The following CSK variants were observed in gnomAD, a reference collection of about 807,000 sequenced individuals.
The protein encoded by CSK is C-terminal Src kinase.
Under a neutral mutation model 62.3 loss-of-function variants are expected in CSK, and 7 were observed. That is an observed-to-expected ratio of 0.11 (90% CI 0.06 to 0.21). The LOEUF (loss-of-function observed/expected upper bound fraction) is 0.21. Among genes scored for constraint, CSK ranks in the 10% least tolerant of loss-of-function variants. The pLI is 1.00. For missense variants in CSK, 294 were observed against 613.5 expected, an observed-to-expected ratio of 0.48 and a Z score of 5.50; for synonymous variants, 237 against 246.0, an observed-to-expected ratio of 0.96 and a Z score of 0.34.
chr15:74,802,180 T>C, intron 12 of CSK, 97 bp downstream of exon 12: 1 of 1,445,486 alleles, frequency 6.9e-7, no homozygotes, highest in South Asian at 1.3e-5. Context: ...AATCAAGGCC[T>C]AGAAGCCTCA....
At chr15:74,789,731 A>C (rs976418518) in intron 1 of CSK, among the ~76,000 whole-genome samples, 3 of 152,158 alleles carry the variant, frequency 2.0e-5, no homozygotes, top group Non-Finnish European at 4.4e-5. Context: ...CCCCTCTCTC[A>C]GTCACTTTCC....
In CSK at chr15:74,798,701, C is replaced by A; in HGVS notation, c.102C>A (p.Asp34Glu). ...AEQDLPFCKG[D>E]VLTIVAVTKD... is the part of the protein sequence containing the mutation. ...AGGACCTGCCCTTCTGCAAAGGAGA[C>A]GTGCTCACCATTGTGGCCGTCACCA... The change falls in exon 3 of 13, where the codon GAC becomes GAA. Residue 34 changes from aspartate to glutamate, a missense_variant. Transcript: ENST00000220003. The surrounding 1 kb of genome is among the most constrained non-coding windows in gnomAD (Gnocchi z 6.6). The A allele has an allele frequency of 6.2e-7, 1 of 1,613,776 alleles. No individual in the cohort carries two copies. The highest frequency in any genetic ancestry group is 8.5e-7 in the Non-Finnish European group (1 of 1,180,010).
At position 74,795,038 on chromosome 15, in the gene CSK, G is replaced by T. The variant is rs531389429; in HGVS notation, c.-65-3195G>T. On this transcript the variant is annotated intron_variant, in intron 1 of 12. Transcript: ENST00000220003. ...GGTCCTAGAGCCCCAGATGGGCAGG[G>T]TCTGCCTTCCCGCTTCCCTCACCAT... 3.3e-5 allele frequency among the ~76,000 whole-genome samples: 5 copies of T among 152,266 alleles called. No homozygotes were observed. In the South Asian group the frequency reaches 8.3e-4, roughly 25 times the overall value.
chr15:74,798,548 A>T lies in CSK; in HGVS notation c.16-67A>T. The T allele has an allele frequency of 6.9e-7, 1 of 1,448,848 alleles. No homozygotes were observed. The highest frequency in any genetic ancestry group is 9.6e-7 in the Non-Finnish European group (1 of 1,039,224). The allele number at this position is 1,448,848 out of a possible 1,614,324, so 89.7% of individuals were successfully genotyped here. ...GGCCAGCTCAGAGGCTGTGACCACG[A>T]GGGTGCGCCAGCAGGTGGCTGGAGG... is the stretch of plus-strand genomic sequence containing the variant. On this transcript the variant is annotated intron_variant, in intron 2 of 12. Coordinates refer to ENST00000220003, the MANE Select transcript of CSK (RefSeq NM_004383.3). This position sits in a 1 kb window ranked among gnomAD's most constrained non-coding sequence, Gnocchi z 6.6.
intron 1 of CSK, among the ~76,000 whole-genome samples, chr15:74,788,180 CTT>C (rs2063554082): frequency 6.6e-6 from 1 of 152,198 alleles, no homozygotes; most frequent in Admixed American, 6.5e-5. Context: ...GCTGCTGGCT[CTT>C]TTCTGTGTGT....
intron 5 of CSK, 124 bp from the exon 6 acceptor site, chr15:74,800,288 T>TC (rs2063768302): frequency 1.3e-6 from 1 of 787,164 alleles, no homozygotes; most frequent in African/African-American, 1.7e-5. Flanking sequence ...TGGGGAGCCC[T>TC]CCCCACTCAG....
intron 1 of CSK, among the ~76,000 whole-genome samples, chr15:74,786,013 T>TTTTTTTTTTTTTTTTTTG: frequency 2.1e-5 from 1 of 47,814 alleles, no homozygotes; most frequent in Non-Finnish European, 5.5e-5. Flanking sequence ...TTTTTTTTTT[T>TTTTTTTTTTTTTTTTTTG]TGTGTGTGTG....
chr15:74,795,938 C>T (rs2063698162), intron 1 of CSK, among the ~76,000 whole-genome samples: 1 of 152,090 alleles, frequency 6.6e-6, no homozygotes, highest in Admixed American at 6.5e-5. Flanking sequence ...AATCATATGG[C>T]CGGGTGCAGT....
intron 1 of CSK, chr15:74,791,026 A>C (rs190450316): frequency 6.6e-6 from 1 of 152,308 alleles, no homozygotes; most frequent in Non-Finnish European, 1.5e-5. Flanking sequence ...AATAATAATA[A>C]TTTTTTTAAA....
At chr15:74,790,903 G>A (rs374569985) in intron 1 of CSK, 2 of 152,206 alleles carry the variant, frequency 1.3e-5, no homozygotes, top group East Asian at 1.9e-4. Context: ...TGGAGGCCTC[G>A]GCAGCCAACA....
In CSK at chr15:74,798,276, G is replaced by T; in HGVS notation, c.-22G>T. The T allele has an allele frequency of 6.4e-7, 1 of 1,556,138 alleles. No individual in the cohort carries two copies. The highest frequency in any genetic ancestry group is 8.7e-7 in the Non-Finnish European group (1 of 1,150,872). ...ACAGGTTGGCTTTACTGTGACTCGG[G>T]GACGCCAGAGCTCCTGAGAAGATGT... On this transcript the variant is annotated 5_prime_UTR_variant, in exon 2 of 13. Transcript: ENST00000220003. The surrounding 1 kb of genome is among the most constrained non-coding windows in gnomAD (Gnocchi z 6.6).
At chr15:74,787,401 G>A (rs979823083) in intron 1 of CSK, among the ~76,000 whole-genome samples, 3 of 151,892 alleles carry the variant, frequency 2.0e-5, no homozygotes, top group Admixed American at 6.6e-5. Flanking sequence ...AAGTGTAGAC[G>A]GCACCACTCA....
At position 74,802,751 on chromosome 15, in the gene CSK, C is replaced by T; in HGVS notation, c.*238C>T. The T allele has an allele frequency of 2.1e-6, 1 of 474,552 alleles. No individual in the cohort carries two copies. The highest frequency in any genetic ancestry group is 3.7e-6 in the Non-Finnish European group (1 of 273,750). The allele number at this position is 474,552 out of a possible 1,614,324, so 29.4% of individuals were successfully genotyped here. On this transcript the variant is annotated 3_prime_UTR_variant, in exon 13 of 13. Coordinates refer to ENST00000220003, the MANE Select transcript of CSK (RefSeq NM_004383.3). The stretch of plus-strand genomic sequence containing the variant: ...GGCCACGGAGCGGGAGGCAGCGCCC[C>T]ACCACGTCGGGCTTCCCTGGCCTCC...
At chr15:74,783,771 G>A (rs1011961475) in intron 1 of CSK, among the ~76,000 whole-genome samples, 3 of 152,216 alleles carry the variant, frequency 2.0e-5, no homozygotes, top group Admixed American at 1.3e-4. Context: ...TGTGTGGTGT[G>A]GCAGGAAGGT....
intron 1 of CSK, among the ~76,000 whole-genome samples, chr15:74,785,024 A>T (rs1006333613): frequency 6.6e-6 from 1 of 152,224 alleles, no homozygotes; most frequent in Admixed American, 6.5e-5. Flanking sequence ...ATTATAGGGA[A>T]ACCATGAATG....
At position 74,786,604 on chromosome 15, in the gene CSK, C is replaced by T. The variant is rs563743068; in HGVS notation, c.-66+3884C>T. On this transcript the variant is annotated intron_variant, in intron 1 of 12. Coordinates refer to ENST00000220003, the MANE Select transcript of CSK (RefSeq NM_004383.3). Reference sequence around the variant, plus strand: ...ATCGGGAAACTCATGTTAGCCTCCCCCTCCTCAGCAGGTGTTCCCCAGGTC... The same window carrying T: ...ATCGGGAAACTCATGTTAGCCTCCCTCTCCTCAGCAGGTGTTCCCCAGGTC... 3.9e-5 allele frequency among the ~76,000 whole-genome samples: 6 copies of T among 152,298 alleles called. No homozygotes were observed. The East Asian group carries it at 1.2e-3, about 29-fold the overall frequency.
At chr15:74,791,401 A>G (rs1487845685) in intron 1 of CSK, among the ~76,000 whole-genome samples, 2 of 152,176 alleles carry the variant, frequency 1.3e-5, no homozygotes, top group Non-Finnish European at 2.9e-5. Flanking sequence ...ATCTACATAG[A>G]CATATGTGTG....
At chr15:74,800,958 G>T (rs749021122) in intron 8 of CSK, 36 bp downstream of exon 8, 1 of 1,612,908 alleles carries the variant, frequency 6.2e-7, no homozygotes, top group Admixed American at 1.7e-5. Context: ...GGTTGGCCTA[G>T]GTTAGGAGTG....
chr15:74,798,591 GC>G lies in CSK; in HGVS notation c.16-21del, dbSNP rs2063741822. On this transcript the variant is annotated intron_variant, in intron 2 of 12. Transcript: ENST00000220003. This position sits in a 1 kb window ranked among gnomAD's most constrained non-coding sequence, Gnocchi z 6.6. ...GCTGGAGGGGGCCCAGGCTGCACCCGCCCACGTGTCACCTGCCTTGCAGGCC... is the reference window on the plus strand; with the variant it reads ...GCTGGAGGGGGCCCAGGCTGCACCCGCCACGTGTCACCTGCCTTGCAGGCC... The G allele has an allele frequency of 2.5e-6, 4 of 1,603,056 alleles. No individual in the cohort carries two copies. In the African/African-American group the frequency reaches 5.4e-5, roughly 21 times the overall value.
Sources: gnomAD v4.1 joint callset for allele counts (sites outside exome capture counted in the v4.1 genomes callset) on GRCh38, gnomAD v4.1.1 for gene constraint, Gnocchi (gnomAD v3.1) non-coding constraint, MANE v1.5 for transcripts, NCBI Gene and HGNC (gene_info 2026-07-23, HGNC 2026-07-21) for gene names.